The following TLCD3B variants were observed in gnomAD, a reference collection of about 807,000 sequenced individuals.
The protein encoded by TLCD3B is ceramide synthase.
Under a neutral mutation model 23.0 loss-of-function variants are expected in TLCD3B, and 9 were observed. The observed-to-expected ratio is 0.39, with a 90% CI of 0.24 to 0.68. The LOEUF (loss-of-function observed/expected upper bound fraction) is 0.68. Among genes scored for constraint, TLCD3B ranks in the 30% least tolerant of loss-of-function variants. The pLI is 0.44. For synonymous variants in TLCD3B, 161 were observed against 161.0 expected, an observed-to-expected ratio of 1.00 and a Z score of 0.00; for missense variants, 307 against 371.8, an observed-to-expected ratio of 0.83 and a Z score of 1.43.
chr16:30,025,427 G>A lies in TLCD3B; in HGVS notation c.581C>T (p.Ala194Val), dbSNP rs2071076004. The A allele has an allele frequency of 1.2e-6, 2 of 1,612,328 alleles. No homozygotes were observed. Among genetic ancestry groups the A allele is most frequent in the South Asian group, 2.2e-5 (2 of 90,894 alleles). ...QHTLLHKVNG[A>V]LMLLSFLCCR... is the part of the protein sequence containing the mutation. ...GCAGAGGAAGCTGAGCAGCATCAGG[G>A]CCCCGTTCACCTTGTGCAGCAGTGT... is the stretch of plus-strand genomic sequence containing the variant. Residue 194 changes from alanine (A) to valine (V), a missense_variant, in exon 5 of 5, where the codon GCC becomes GTC. Transcript: ENST00000380495. The surrounding 1 kb of genome is among the most constrained non-coding windows in gnomAD (Gnocchi z 4.1).
At chr16:30,041,036 A>G (rs1230007135) in exon 3 of TLCD3B, 2 of 152,146 alleles carry the variant, frequency 1.3e-5, no homozygotes, top group African/African-American at 2.4e-5. Context: ...TTTACAGGCC[A>G]TGAGCTGGTT....
chr16:30,028,351 G>A (rs1318756694), intron 2 of TLCD3B, among the ~76,000 whole-genome samples: 6 of 152,120 alleles, frequency 3.9e-5, no homozygotes, highest in South Asian at 2.1e-4. Context: ...ATTAAAGCAG[G>A]GAAGACGGAC....
At chr16:30,037,542 C>CAAAA (rs78393499) in intron 3 of TLCD3B, among the ~76,000 whole-genome samples, 1 of 80,156 alleles carries the variant, frequency 1.2e-5, no homozygotes. Flanking sequence ...GACTGTGTTT[C>CAAAA]AAAAAAAAAA....
intron 2 of TLCD3B, chr16:30,027,542 A>T: frequency 2.2e-6 from 1 of 456,014 alleles, no homozygotes; most frequent in South Asian, 1.5e-5. Flanking sequence ...AGGTCTTGTC[A>T]GCGCTGTTCG....
rs770336189 is a variant in TLCD3B, at chr16:30,025,712, C to A, written c.540+14G>T. 9.3e-6 allele frequency: 15 copies of A among 1,613,684 alleles called. No individual in the cohort carries two copies. The East Asian group carries it at 2.9e-4, about 31-fold the overall frequency. ...CTCCCCATTGGGCTCCTGCACCCTC[C>A]CATGCTCACTCACCTGGATGAGGAT... is the stretch of plus-strand genomic sequence containing the variant. On this transcript the variant is annotated intron_variant, in intron 4 of 4. Coordinates refer to ENST00000380495, the MANE Select transcript of TLCD3B (RefSeq NM_031478.6). The surrounding 1 kb of genome is among the most constrained non-coding windows in gnomAD (Gnocchi z 4.1).
At position 30,024,856 on chromosome 16, in the gene TLCD3B, G is replaced by A. The variant is rs1039107017; in HGVS notation, c.*327C>T. The A allele has an allele frequency of 7.2e-6, 2 of 279,476 alleles. No homozygotes were observed. Among genetic ancestry groups the A allele is most frequent in the Non-Finnish European group, 1.3e-5 (2 of 151,682 alleles). 17.3% of individuals were successfully genotyped at this position (279,476 alleles called of 1,614,324 possible). ...GGGCTGGGATGGCCTTGGCAGAGGC[G>A]TCTCCCCACATTCTGACTCCTGGTC... On this transcript the variant is annotated 3_prime_UTR_variant, in exon 5 of 5. Coordinates refer to ENST00000380495, the MANE Select transcript of TLCD3B (RefSeq NM_031478.6).
chr16:30,048,635 T>TC (rs966631346), intron 1 of TLCD3B, among the ~76,000 whole-genome samples: 6 of 151,016 alleles, frequency 4.0e-5, no homozygotes, highest in African/African-American at 1.5e-4. Context: ...TTTTTTTTTT[T>TC]CTCGCCCAGG....
upstream of TLCD3B, chr16:30,032,607 T>C (rs2071387748): frequency 6.6e-6 from 1 of 151,850 alleles, no homozygotes; most frequent in African/African-American, 2.4e-5. Context: ...GGTATCCCTG[T>C]TTTACAGAAG....
chr16:30,026,394 G>A (rs117910026), intron 3 of TLCD3B, among the ~76,000 whole-genome samples: 2 of 152,096 alleles, frequency 1.3e-5, no homozygotes, highest in South Asian at 2.1e-4. Context: ...AGCCACAGCC[G>A]GGCATCGTCC....
chr16:30,036,384 T>C (rs1449822001), intron 3 of TLCD3B: 2 of 1,286,636 alleles, frequency 1.6e-6, no homozygotes, highest in East Asian at 5.5e-5. Context: ...ATCATTTTTG[T>C]TTAGAAAGAC....
chr16:30,026,916 G>GCTGCTGTGCTGACCCCTGA, intron 2 of TLCD3B, 73 bp from the exon 3 acceptor site: 4 of 1,288,448 alleles, frequency 3.1e-6, no homozygotes, highest in Non-Finnish European at 4.4e-6. Flanking sequence ...AGATCTCAGG[G>GCTGCTGTGCTGACCCCTGA]GTCAGCACAG....
At position 30,030,658 on chromosome 16, in the gene TLCD3B, AGGGGCCAGGGCGGGGACGGGAT is replaced by A; in HGVS notation, c.-153_-132del. The A allele has an allele frequency of 2.0e-6, 2 of 977,050 alleles. No individual in the cohort carries two copies. Among genetic ancestry groups the A allele is most frequent in the Non-Finnish European group, 2.4e-6 (2 of 817,684 alleles). 60.5% of individuals were successfully genotyped at this position (977,050 alleles called of 1,614,324 possible). ...GAGAAAACGATGAGAAGGGGCACAA[AGGGGCCAGGGCGGGGACGGGAT>A]GGGGCCAGGGAGTCCGATGAAACTG... is the stretch of plus-strand genomic sequence containing the variant. On this transcript the variant is annotated 5_prime_UTR_variant, in exon 1 of 5. Transcript: ENST00000380495.
At position 30,026,859 on chromosome 16, in the gene TLCD3B, A is replaced by T. The variant is rs774403188; in HGVS notation, c.210-16T>A. ...CAGCCAGTGTCTGTTGGGCAGAGAG[A>T]CGGGGTGGGGGAGCAAGGAGGAAAG... On this transcript the variant is annotated splice_polypyrimidine_tract_variant and intron_variant, in intron 2 of 4. Transcript: ENST00000380495. The T allele has an allele frequency of 1.2e-6, 2 of 1,610,036 alleles. No homozygotes were observed. Among genetic ancestry groups the T allele is most frequent in the Admixed American group, 3.3e-5 (2 of 59,756 alleles).
rs1476605562 is a variant in TLCD3B, at chr16:30,025,662, T to C, written c.540+64A>G. ...GGGCTAGAGCCCTTGGCAGCAACCT[T>C]GAAGGTCCCTCCCCTTCCTGTGACC... On this transcript the variant is annotated intron_variant, in intron 4 of 4. Coordinates refer to ENST00000380495, the MANE Select transcript of TLCD3B (RefSeq NM_031478.6). The surrounding 1 kb of genome is among the most constrained non-coding windows in gnomAD (Gnocchi z 4.1). 1.3e-6 allele frequency: 2 copies of C among 1,553,908 alleles called. No individual in the cohort carries two copies. The highest frequency in any genetic ancestry group is 1.8e-6 in the Non-Finnish European group (2 of 1,125,848).
At chr16:30,038,666 C>T (rs1208316814) in intron 3 of TLCD3B, among the ~76,000 whole-genome samples, 1 of 152,046 alleles carries the variant, frequency 6.6e-6, no homozygotes, top group Non-Finnish European at 1.5e-5. Flanking sequence ...AGGAGAATCG[C>T]TTGAACCTGG....
At position 30,025,576 on chromosome 16, in the gene TLCD3B, C is replaced by T; in HGVS notation, c.541-109G>A. ...CAGGCAGCTCCTCCCAAACCAGACA[C>T]TTTGCCAGGACACAAGCACCAGGTG... is the stretch of plus-strand genomic sequence containing the variant. On this transcript the variant is annotated intron_variant, in intron 4 of 4. Coordinates refer to ENST00000380495, the MANE Select transcript of TLCD3B (RefSeq NM_031478.6). The surrounding 1 kb of genome is among the most constrained non-coding windows in gnomAD (Gnocchi z 4.1). 6 of 1,526,274 alleles carry T rather than the reference C, an allele frequency of 3.9e-6. No homozygotes were observed. Among genetic ancestry groups the T allele is most frequent in the Non-Finnish European group, 5.4e-6 (6 of 1,104,704 alleles). The allele number at this position is 1,526,274 out of a possible 1,614,324, so 94.5% of individuals were successfully genotyped here. A position where few individuals can be genotyped will look rare whatever the true frequency, so the allele number is the denominator to read the frequency against.
At chr16:30,036,326 A>G (rs1000533390) in intron 3 of TLCD3B, 4 of 1,288,898 alleles carry the variant, frequency 3.1e-6, no homozygotes, top group African/African-American at 3.0e-5. Context: ...AAAAGAAAAC[A>G]AAAGAAATAA....
chr16:30,048,875 A>G (rs1413744940), intron 1 of TLCD3B, among the ~76,000 whole-genome samples: 4 of 152,030 alleles, frequency 2.6e-5, no homozygotes, highest in African/African-American at 4.8e-5. Flanking sequence ...GGTTCCAGCA[A>G]TTCTCCTGTC....
At chr16:30,030,282 C>T (rs1221646215) in intron 1 of TLCD3B, 121 bp downstream of exon 1, 11 of 1,184,736 alleles carry the variant, frequency 9.3e-6, no homozygotes, top group South Asian at 2.9e-5. Flanking sequence ...GGTAAAGCCC[C>T]GGACCCCCAC....
Sources: gnomAD v4.1 joint callset for allele counts (sites outside exome capture counted in the v4.1 genomes callset) on GRCh38, gnomAD v4.1.1 for gene constraint, Gnocchi (gnomAD v3.1) non-coding constraint, MANE v1.5 for transcripts, NCBI Gene and HGNC (gene_info 2026-07-23, HGNC 2026-07-21) for gene names.